Variants in ENTPD6 observed in about 807,000 individuals in gnomAD.
ENTPD6 encodes ectonucleoside triphosphate diphosphohydrolase 6, also known as CD39 antigen-like 2.
A neutral mutation model predicts 61.5 loss-of-function variants in ENTPD6; 46 were observed. The observed-to-expected ratio is 0.75, with a 90% CI of 0.59 to 0.96. ENTPD6 has a LOEUF of 0.96. Ranked by LOEUF, ENTPD6 falls within the 40% of genes least tolerant of loss-of-function variation. ENTPD6 has a pLI of 0.00. For synonymous variants in ENTPD6, 252 were observed against 255.5 expected (o/e 0.99, Z 0.13); for missense variants, 612 against 629.0 (o/e 0.97, Z 0.29).
At chr20:25,202,508 T>C (rs1332218510) in intron 1 of ENTPD6, among the ~76,000 whole-genome samples, 1 of 152,236 alleles carries the variant, frequency 6.6e-6, no homozygotes, top group Non-Finnish European at 1.5e-5. Flanking sequence ...GTAGTTTCCG[T>C]TTTTGATTCC....
chr20:25,199,973 C>G (rs990494163), intron 1 of ENTPD6, among the ~76,000 whole-genome samples: 1 of 150,730 alleles, frequency 6.6e-6, no homozygotes, highest in Non-Finnish European at 1.5e-5. Context: ...CTTTAAGATC[C>G]TGATTTCAAC....
chr20:25,213,458 T>C (rs1401291324), intron 5 of ENTPD6, 52 bp downstream of exon 5: 2 of 1,539,316 alleles, frequency 1.3e-6, no homozygotes, highest in African/African-American at 2.8e-5. Context: ...GGGCAACTGA[T>C]GACTGAAAAC....
At chr20:25,217,834 C>A (rs2092407224) in intron 9 of ENTPD6, among the ~76,000 whole-genome samples, 1 of 148,972 alleles carries the variant, frequency 6.7e-6, no homozygotes, top group African/African-American at 2.5e-5. Flanking sequence ...CTCCTCTGGT[C>A]CTTCTCCTTC....
At chr20:25,218,010 T>C (rs2092427541) in intron 9 of ENTPD6, among the ~76,000 whole-genome samples, 1 of 141,116 alleles carries the variant, frequency 7.1e-6, no homozygotes. Flanking sequence ...TCCTCCTCCT[T>C]CATCCTTTAA....
At position 25,216,712 on chromosome 20, in the gene ENTPD6, G is replaced by T. The variant is rs1481947035; in HGVS notation, c.774G>T (p.Gln258His). The T allele has an allele frequency of 6.2e-7, 1 of 1,604,532 alleles. No homozygotes were observed. The change falls in exon 8 of 15, where the codon CAG (glutamine) becomes CAT (histidine). Residue 258 changes from glutamine (Q) to histidine (H), a missense_variant. Physicochemically the swap from Gln to His is conservative, Grantham distance 24 (BLOSUM62 0). Coordinates refer to ENST00000376652, the MANE Select transcript of ENTPD6 (RefSeq NM_001247.5). ...GMLDLGGGST[Q>H]IAFLPRVEGT... ...TGGACTTGGGCGGAGGATCCACTCAGATCGCCTTCCTGCCACGCGTGGAGG... is the reference window on the plus strand; with the variant it reads ...TGGACTTGGGCGGAGGATCCACTCATATCGCCTTCCTGCCACGCGTGGAGG...
chr20:25,222,815 G>T, intron 11 of ENTPD6, 23 bp from the exon 12 acceptor site: 4 of 1,611,974 alleles, frequency 2.5e-6, no homozygotes, highest in Non-Finnish European at 3.4e-6. Flanking sequence ...CCCACTGACC[G>T]CTAGCCTTGT....
chr20:25,213,227 T>C (rs2076560), intron 4 of ENTPD6, 36 bp from the exon 5 acceptor site: 516,552 of 1,612,470 alleles, frequency 0.32, 88,298 homozygotes, highest in East Asian at 0.62. Flanking sequence ...TATGCTGCAC[T>C]TGACAGACCC....
chr20:25,196,331 C>A, intron 1 of ENTPD6: 1 of 720,130 alleles, frequency 1.4e-6, no homozygotes, highest in Non-Finnish European at 1.7e-6. Context: ...TCCCGAGGAG[C>A]TCATAGGTGG....
In ENTPD6 at chr20:25,195,809, G is replaced by A. The variant is rs895818384; in HGVS notation, c.-74G>A. ...GGGGGAGCCCAAAAGACCGGCTGCCGCCTGCTCCCCGGAAAAGGGCACTCG... is the reference window on the plus strand; with the variant it reads ...GGGGGAGCCCAAAAGACCGGCTGCCACCTGCTCCCCGGAAAAGGGCACTCG... On this transcript the variant is annotated 5_prime_UTR_variant, in exon 1 of 15. Coordinates refer to ENST00000376652, the MANE Select transcript of ENTPD6 (RefSeq NM_001247.5). The A allele has an allele frequency of 4.0e-6, 5 of 1,237,476 alleles. No individual in the cohort carries two copies. The highest frequency in any genetic ancestry group is 5.1e-6 in the Non-Finnish European group (5 of 986,302). The allele number at this position is 1,237,476 out of a possible 1,614,324, so 76.7% of individuals were successfully genotyped here. A position where few individuals can be genotyped will look rare whatever the true frequency, so the allele number is the denominator to read the frequency against.
intron 4 of ENTPD6, 56 bp from the exon 5 acceptor site, chr20:25,213,207 T>C: frequency 6.2e-7 from 1 of 1,608,266 alleles, no homozygotes; most frequent in Non-Finnish European, 8.5e-7. Context: ...AAGCAGCACG[T>C]GTGACCCTGT....
intron 10 of ENTPD6, among the ~76,000 whole-genome samples, chr20:25,219,730 C>T (rs2092544998): frequency 6.6e-6 from 1 of 152,226 alleles, no homozygotes. Flanking sequence ...GCCCTTACCT[C>T]AGCCCCCAGC....
At chr20:25,214,085 T>C (rs1367742651) in intron 5 of ENTPD6, among the ~76,000 whole-genome samples, 1 of 152,080 alleles carries the variant, frequency 6.6e-6, no homozygotes, top group Non-Finnish European at 1.5e-5. Flanking sequence ...CCTGGTCCGA[T>C]GCTCAGACGT....
rs2092821053 is a variant in ENTPD6, at chr20:25,227,813, C to T, written c.*2216C>T. 6.6e-6 allele frequency among the ~76,000 whole-genome samples: 1 copy of T among 152,258 alleles called. No homozygotes were observed. The highest frequency in any genetic ancestry group is 1.5e-5 in the Non-Finnish European group (1 of 68,048). On this transcript the variant is annotated 3_prime_UTR_variant, in exon 15 of 15. Coordinates refer to ENST00000376652, the MANE Select transcript of ENTPD6 (RefSeq NM_001247.5). ...GCATAAGCAGACGTTGCCACGTTGC[C>T]TTCAATCCTACTGGACAAGCATCGG...
intron 4 of ENTPD6, among the ~76,000 whole-genome samples, 169 bp downstream of exon 4, chr20:25,210,094 C>T (rs372902741): frequency 4.6e-5 from 7 of 152,226 alleles, no homozygotes; most frequent in Non-Finnish European, 1.0e-4. Flanking sequence ...GTGCAGCGCG[C>T]GAGCCCAGAG....
intron 1 of ENTPD6, among the ~76,000 whole-genome samples, chr20:25,200,939 T>A (rs992982437): frequency 6.6e-6 from 1 of 152,242 alleles, no homozygotes; most frequent in African/African-American, 2.4e-5. Flanking sequence ...CTAAAGCAAG[T>A]GTTTACAGCT....
chr20:25,198,165 A>G (rs2090675380), intron 1 of ENTPD6, among the ~76,000 whole-genome samples: 1 of 152,168 alleles, frequency 6.6e-6, no homozygotes, highest in Non-Finnish European at 1.5e-5. Flanking sequence ...TTCTTAGACT[A>G]ACATAGGACA....
rs1277534360 is a variant in ENTPD6, at chr20:25,226,047, T to C, written c.*450T>C. On this transcript the variant is annotated 3_prime_UTR_variant, in exon 15 of 15. Coordinates refer to ENST00000376652, the MANE Select transcript of ENTPD6 (RefSeq NM_001247.5). ...GTCTGGGAGGCGGTGCAGGCTGTCC[T>C]GGCTGCTCTGGGGAAGCCGAGGGAC... The C allele has an allele frequency of 6.4e-6, 1 of 155,876 alleles. No homozygotes were observed. Among genetic ancestry groups the C allele is most frequent in the East Asian group, 1.9e-4 (1 of 5,282 alleles). The allele number at this position is 155,876 out of a possible 1,614,324, so 9.7% of individuals were successfully genotyped here.
intron 13 of ENTPD6, chr20:25,224,401 T>G: frequency 2.8e-6 from 1 of 362,192 alleles, no homozygotes; most frequent in Non-Finnish European, 5.0e-6. Context: ...ACCCCAAGAG[T>G]GATTTCCCCT....
At chr20:25,213,992 T>A (rs2092151639) in intron 5 of ENTPD6, among the ~76,000 whole-genome samples, 1 of 152,218 alleles carries the variant, frequency 6.6e-6, no homozygotes, top group Admixed American at 6.5e-5. Context: ...AGGGACTTGA[T>A]CCTGGTCAGA....
Sources: gnomAD v4.1 joint callset for allele counts (sites outside exome capture counted in the v4.1 genomes callset) on GRCh38, gnomAD v4.1.1 for gene constraint, MANE v1.5 for transcripts, NCBI Gene and HGNC (gene_info 2026-07-23, HGNC 2026-07-21) for gene names.